The following CCDC14 variants were observed in gnomAD, a reference collection of about 807,000 sequenced individuals.
CCDC14 encodes the protein coiled-coil domain containing 14, also known as coiled-coil domain-containing protein 14.
In CCDC14, 71 loss-of-function variants were observed where a neutral mutation model predicts 81.4. The observed-to-expected ratio is 0.87, with a 90% CI of 0.72 to 1.06. The LOEUF (loss-of-function observed/expected upper bound fraction) is 1.06, where lower values mean the gene tolerates loss of function less well. CCDC14 is among the 50% of genes least tolerant of loss of function. The probability of loss-of-function intolerance (pLI) is 0.00; values close to 1 mark genes in which losing one functional copy is unlikely to be tolerated. For synonymous variants in CCDC14, 332 were observed against 364.8 expected (o/e 0.91, Z 1.03); for missense variants, 1,046 against 1,047.3 (o/e 1.00, Z 0.02).
chr3:123,898,457 T>C (rs1311249099), intron 5 of CCDC14, among the ~76,000 whole-genome samples: 1 of 152,202 alleles, frequency 6.6e-6, no homozygotes, highest in East Asian at 1.9e-4. Context: ...TGGTAACCTC[T>C]ATCTGTGCAG....
chr3:123,929,307 T>C (rs960432809), intron 12 of CCDC14, among the ~76,000 whole-genome samples: 3 of 152,106 alleles, frequency 2.0e-5, no homozygotes, highest in Admixed American at 6.6e-5. Context: ...ATTATTTTAA[T>C]ATATTTATTT....
chr3:123,934,925 G>A (rs1037515084), intron 9 of CCDC14, among the ~76,000 whole-genome samples: 10 of 152,112 alleles, frequency 6.6e-5, no homozygotes, highest in Admixed American at 2.6e-4. Flanking sequence ...AAGTCGGGAA[G>A]GCATTTCTAA....
downstream of CCDC14, among the ~76,000 whole-genome samples, chr3:123,910,198 A>G (rs902530631): frequency 2.6e-5 from 4 of 152,168 alleles, no homozygotes; most frequent in African/African-American, 9.7e-5. Flanking sequence ...AACACCAAGA[A>G]TGACAATGTG....
intron 5 of CCDC14, among the ~76,000 whole-genome samples, chr3:123,901,313 T>A (rs2148758558): frequency 6.6e-6 from 1 of 152,168 alleles, no homozygotes; most frequent in East Asian, 1.9e-4. Flanking sequence ...ATAACACTTA[T>A]AAATTCAATT....
downstream of CCDC14, among the ~76,000 whole-genome samples, chr3:123,910,866 C>T (rs1475378386): frequency 1.3e-5 from 2 of 152,176 alleles, no homozygotes; most frequent in South Asian, 2.1e-4. Context: ...ATATGATAGT[C>T]ACCAAGGGTC....
intron 1 of CCDC14, among the ~76,000 whole-genome samples, chr3:123,960,744 C>A (rs1366504404): frequency 6.6e-6 from 1 of 152,186 alleles, no homozygotes; most frequent in Non-Finnish European, 1.5e-5. Flanking sequence ...CTTCTCAATT[C>A]TTTGAGACAG....
intron 2 of CCDC14, 155 bp from the exon 3 acceptor site, chr3:123,956,582 A>G (rs938410264): frequency 1.5e-5 from 11 of 745,064 alleles, no homozygotes; most frequent in Non-Finnish European, 2.4e-5. Context: ...ACTGTTAAAT[A>G]CTAAAATGAT....
At chr3:123,885,906 A>C in the CCDC14 span, among the ~76,000 whole-genome samples, 2 of 152,314 alleles carry the variant, frequency 1.3e-5, no homozygotes, top group Admixed American at 1.3e-4. Flanking sequence ...GATTACCCTG[A>C]GATAGGAAAG....
chr3:123,960,262 T>C (rs781026560), intron 1 of CCDC14, among the ~76,000 whole-genome samples: 3 of 152,260 alleles, frequency 2.0e-5, no homozygotes, highest in African/African-American at 7.2e-5. Context: ...CTTTGTAGAA[T>C]GACTTACAGT....
At position 123,946,789 on chromosome 3, in the gene CCDC14, T is replaced by C. The variant is rs376926268; in HGVS notation, c.1201+14A>G. On this transcript the variant is annotated intron_variant, in intron 8 of 12. Transcript: ENST00000409697. ...TATAACACCATACTACAGAAAGTTA[T>C]AAGTCCCATCTACCTTGTTCTGCTA... The C allele has an allele frequency of 6.2e-7, 1 of 1,602,774 alleles. No individual in the cohort carries two copies. The highest frequency in any genetic ancestry group is 1.3e-5 in the African/African-American group (1 of 74,230).
Position 123,915,443 on chromosome 3 carries a change from G to A in CCDC14, c.2054C>T (p.Pro685Leu), listed in dbSNP as rs746071963. 21 of 1,613,990 alleles carry A rather than the reference G, an allele frequency of 1.3e-5. No individual in the cohort carries two copies. The highest frequency in any genetic ancestry group is 1.8e-5 in the Non-Finnish European group (21 of 1,179,894). The part of the protein sequence containing the change: ...TYENVLSSRG[P>L]QNSNTRGMEE... ...CATGCCCCTAGTGTTACTATTTTGA[G>A]GGCCTCTGGAGGACAGAACATTTTC... Residue 685 changes from proline (P) to leucine (L), a missense_variant, in exon 13 of 13, where the codon CCT becomes CTT. Pro to Leu is a moderately conservative substitution (Grantham distance 98). Coordinates refer to ENST00000409697, the MANE Select transcript of CCDC14 (RefSeq NM_001366335.1).
At chr3:123,955,190 G>C (rs1156571374) in intron 5 of CCDC14, 1 of 152,118 alleles carries the variant, frequency 6.6e-6, no homozygotes, top group African/African-American at 2.4e-5. Flanking sequence ...CTATAGAACT[G>C]GCTAGTCTAA....
intron 9 of CCDC14, among the ~76,000 whole-genome samples, chr3:123,939,256 G>A (rs545199374): frequency 2.6e-5 from 4 of 151,818 alleles, no homozygotes; most frequent in Non-Finnish European, 4.4e-5. Context: ...GAAAATCACC[G>A]TGGAAAGGCT....
intron 12 of CCDC14, among the ~76,000 whole-genome samples, chr3:123,928,925 C>G (rs1207673173): frequency 6.6e-6 from 1 of 152,100 alleles, no homozygotes; most frequent in African/African-American, 2.4e-5. Flanking sequence ...CTAAAATCTT[C>G]CCTCCATAGA....
In CCDC14 at chr3:123,913,525, A is replaced by C; in HGVS notation, c.*1254T>G. On this transcript the variant is annotated 3_prime_UTR_variant, in exon 13 of 13. Coordinates refer to ENST00000409697, the MANE Select transcript of CCDC14 (RefSeq NM_001366335.1). ...CCAATAAATTAATTCATGAATACTA[A>C]ATAAAATTAAAGATGCTAATGGACT... 1 of 981,116 alleles carries C rather than the reference A, an allele frequency of 1.0e-6. No homozygotes were observed. The highest frequency in any genetic ancestry group is 4.7e-5 in the South Asian group (1 of 21,198). 60.8% of individuals were successfully genotyped at this position (981,116 alleles called of 1,614,324 possible). A position where few individuals can be genotyped will look rare whatever the true frequency, so the allele number is the denominator to read the frequency against.
At chr3:123,952,882 T>A (rs2037100892) in intron 5 of CCDC14, 1 of 211,280 alleles carries the variant, frequency 4.7e-6, no homozygotes, top group African/African-American at 2.3e-5. Flanking sequence ...TATTATTGGT[T>A]AACAGCTGCC....
chr3:123,949,739 C>A (rs7619302), intron 5 of CCDC14, among the ~76,000 whole-genome samples: 2,951 of 152,278 alleles, frequency 0.019, 82 homozygotes, highest in African/African-American at 0.066. Flanking sequence ...TGTTCATGAA[C>A]CATTCCTACC....
At chr3:123,891,624 C>T in the CCDC14 span, among the ~76,000 whole-genome samples, 2 of 152,302 alleles carry the variant, frequency 1.3e-5, no homozygotes, top group East Asian at 1.9e-4. Context: ...CTGAGACCAC[C>T]TCAGCCCGGA....
At position 123,906,877 on chromosome 3, in the gene CCDC14, T is replaced by G. The variant is rs1300488366; in HGVS notation, c.668-9264A>C. On this transcript the variant is annotated intron_variant, in intron 5 of 5. Transcript: ENST00000479903. ...ACCTTGACTTGCTTTCAATTTTGCC[T>G]TCATTTCTGAGATGGTGTAATGTGT... Among the ~76,000 whole-genome samples, 4 of 152,244 alleles carry G rather than the reference T, an allele frequency of 2.6e-5. No homozygotes were observed. In the East Asian group the frequency reaches 7.7e-4, roughly 29 times the overall value.
Sources: allele counts gnomAD v4.1 joint callset (sites outside exome capture counted in the v4.1 genomes callset), GRCh38; gene constraint gnomAD v4.1.1; transcripts MANE v1.5; gene names NCBI Gene and HGNC (gene_info 2026-07-23, HGNC 2026-07-21).